The following PTPRD variants were observed in gnomAD, a reference collection of about 807,000 sequenced individuals.
PTPRD encodes protein tyrosine phosphatase receptor type D, also known as receptor-type tyrosine-protein phosphatase delta.
PTPRD carries 34 observed loss-of-function variants against 214.5 expected under a neutral mutation model. The observed-to-expected ratio is 0.16, with a 90% CI of 0.12 to 0.21. The LOEUF is 0.21. Among genes scored for constraint, PTPRD ranks in the 10% least tolerant of loss-of-function variants. The pLI, the probability that PTPRD is intolerant of heterozygous loss-of-function variation, is 1.00. For synonymous variants in PTPRD, 1,128 were observed against 845.7 expected, an observed-to-expected ratio of 1.33 and a Z score of -5.79; for missense variants, 2,545 against 2,398.7, an observed-to-expected ratio of 1.06 and a Z score of -1.27.
At chr9:8,549,555 G>C (rs1043714206) in intron 14 of PTPRD, among the ~76,000 whole-genome samples, 1 of 151,912 alleles carries the variant, frequency 6.6e-6, no homozygotes, top group Admixed American at 6.6e-5. Flanking sequence ...TAACTAAAAG[G>C]GATAAGAACA....
intron 3 of PTPRD, among the ~76,000 whole-genome samples, chr9:10,127,184 A>C (rs2098826347): frequency 6.6e-6 from 1 of 152,106 alleles, no homozygotes; most frequent in South Asian, 2.1e-4. Flanking sequence ...TCTTCTAGCA[A>C]AGCACTGAAC....
Position 8,315,375 on chromosome 9 carries a change from C to A in PTPRD, c.*2499G>T. 1 of 232,570 alleles carries A rather than the reference C, an allele frequency of 4.3e-6. No individual in the cohort carries two copies. Among genetic ancestry groups the A allele is most frequent in the Non-Finnish European group, 8.5e-6 (1 of 117,368 alleles). The allele number at this position is 232,570 out of a possible 1,614,324, so 14.4% of individuals were successfully genotyped here. ...AGAAGCTGCTCATTGGCCAATCATT[C>A]TGGTGTGCAGTGCTCCATCGGATTC... On this transcript the variant is annotated 3_prime_UTR_variant, in exon 46 of 46. Transcript: ENST00000381196.
intron 7 of PTPRD, among the ~76,000 whole-genome samples, chr9:9,676,571 G>C (rs960114289): frequency 1.1e-4 from 16 of 152,032 alleles, no homozygotes; most frequent in Non-Finnish European, 2.4e-4. Flanking sequence ...ATTGTGAATA[G>C]TGCTGCAATA....
At chr9:8,842,291 T>C (rs1041210850) in intron 11 of PTPRD, among the ~76,000 whole-genome samples, 11 of 152,090 alleles carry the variant, frequency 7.2e-5, no homozygotes, top group Non-Finnish European at 1.3e-4. Context: ...AGGGCGACTA[T>C]GTTTTCAGAT....
chr9:9,158,554 C>T (rs946566940), intron 10 of PTPRD, among the ~76,000 whole-genome samples: 6 of 151,932 alleles, frequency 3.9e-5, no homozygotes, highest in South Asian at 4.1e-4. Flanking sequence ...GAGCCGAGAT[C>T]GTGGCACTGC....
At chr9:8,464,809 C>A (rs2096509469) in intron 32 of PTPRD, among the ~76,000 whole-genome samples, 1 of 150,914 alleles carries the variant, frequency 6.6e-6, no homozygotes, top group African/African-American at 2.5e-5. Flanking sequence ...ATTTAGAATA[C>A]CTTAGGAATT....
chr9:8,963,252 A>T (rs1327828165), intron 11 of PTPRD, among the ~76,000 whole-genome samples: 2 of 152,140 alleles, frequency 1.3e-5, no homozygotes, highest in Non-Finnish European at 2.9e-5. Context: ...TTATCAGAAA[A>T]GCTAGGATAT....
chr9:10,057,728 A>G (rs567771057), intron 3 of PTPRD, among the ~76,000 whole-genome samples: 28 of 152,054 alleles, frequency 1.8e-4, no homozygotes, highest in Non-Finnish European at 2.9e-4. Context: ...CTGTAGTCCC[A>G]GCTACTTGGG....
At chr9:9,596,734 G>C (rs906507723) in intron 7 of PTPRD, among the ~76,000 whole-genome samples, 1 of 151,994 alleles carries the variant, frequency 6.6e-6, no homozygotes, top group Non-Finnish European at 1.5e-5. Flanking sequence ...TAATAGGCTT[G>C]TGTATATGAA....
intron 5 of PTPRD, among the ~76,000 whole-genome samples, chr9:9,845,433 A>T (rs1160629920): frequency 6.6e-6 from 1 of 151,804 alleles, no homozygotes; most frequent in African/African-American, 2.4e-5. Flanking sequence ...CTAGTGATCT[A>T]CAGAGGACAC....
chr9:8,860,538 C>G (rs922790268), intron 11 of PTPRD: 2 of 152,188 alleles, frequency 1.3e-5, no homozygotes, highest in African/African-American at 4.8e-5. Context: ...GGTGATGCTG[C>G]TGAAAAACGG....
intron 2 of PTPRD, among the ~76,000 whole-genome samples, chr9:10,608,032 T>G (rs1358088056): frequency 6.6e-6 from 1 of 152,024 alleles, no homozygotes; most frequent in Non-Finnish European, 1.5e-5. Flanking sequence ...ATATCTTTTA[T>G]TTTTGAAGTT....
chr9:9,559,853 A>G (rs7861302), intron 8 of PTPRD, among the ~76,000 whole-genome samples: 3,366 of 152,298 alleles, frequency 0.022, 110 homozygotes, highest in African/African-American at 0.073. Context: ...TAAGCGGTGC[A>G]TAAGTGGAGA....
chr9:8,707,812 T>C (rs1275318089), intron 12 of PTPRD, among the ~76,000 whole-genome samples: 1 of 152,224 alleles, frequency 6.6e-6, no homozygotes, highest in African/African-American at 2.4e-5. Context: ...AGAAACCATA[T>C]AATGCATACC....
At chr9:8,626,556 G>C (rs1335691332) in intron 14 of PTPRD, among the ~76,000 whole-genome samples, 1 of 151,720 alleles carries the variant, frequency 6.6e-6, no homozygotes, top group African/African-American at 2.4e-5. Flanking sequence ...TTACTGTCAG[G>C]GTGTTTTTGG....
At chr9:10,158,866 C>T (rs13297654) in intron 3 of PTPRD, among the ~76,000 whole-genome samples, 26,055 of 152,064 alleles carry the variant, frequency 0.17, 2,475 homozygotes, top group Admixed American at 0.26. Context: ...GCCTAAAGGG[C>T]AAAATATCCC....
chr9:9,838,271 T>G (rs1359994098), intron 5 of PTPRD, among the ~76,000 whole-genome samples: 1 of 152,140 alleles, frequency 6.6e-6, no homozygotes, highest in Non-Finnish European at 1.5e-5. Context: ...TGTAGTCCTT[T>G]GGGTATATAC....
Position 8,504,322 on chromosome 9 carries a change from T to A in PTPRD, c.1761A>T (p.Ala587=), listed in dbSNP as rs1462589049. 6.2e-7 allele frequency: 1 copy of A among 1,614,172 alleles called. No individual in the cohort carries two copies. The highest frequency in any genetic ancestry group is 1.7e-5 in the Admixed American group (1 of 60,024). Residue 587 remains alanine (A), a synonymous_variant, in exon 23 of 46, where the codon GCA becomes GCT. Transcript: ENST00000381196. ...AAGCACCCAGGCCTTGAGGGGAGCGTGCAGCCAGACGGAAATAGTATAAGC... is the reference window on the plus strand; with the variant it reads ...AAGCACCCAGGCCTTGAGGGGAGCGAGCAGCCAGACGGAAATAGTATAAGC... ...PNSLYYFRLA[A]RSPQGLGAST... is the part of the protein sequence containing the mutation.
intron 12 of PTPRD, among the ~76,000 whole-genome samples, chr9:8,648,948 A>C (rs1305495091): frequency 1.3e-5 from 2 of 152,248 alleles, no homozygotes; most frequent in African/African-American, 4.8e-5. Context: ...ATCATTAAAA[A>C]TAATCATTTA....
Sources: allele counts gnomAD v4.1 joint callset (sites outside exome capture counted in the v4.1 genomes callset), GRCh38; gene constraint gnomAD v4.1.1; transcripts MANE v1.5; gene names NCBI Gene and HGNC (gene_info 2026-07-23, HGNC 2026-07-21).